Variants in SMIM36 observed in about 807,000 individuals in gnomAD.
SMIM36 encodes the protein small integral membrane protein 36.
At chr17:55,486,068 CT>C (rs1909602908) in intron 1 of SMIM36, among the ~76,000 whole-genome samples, 2 of 138,074 alleles carry the variant, frequency 1.4e-5, no homozygotes, top group Non-Finnish European at 3.0e-5. Flanking sequence ...CGGAGTCTTG[CT>C]CTGTTGCGCA....
intron 1 of SMIM36, among the ~76,000 whole-genome samples, chr17:55,501,438 T>C: frequency 2.8e-5 from 2 of 71,140 alleles, no homozygotes; most frequent in South Asian, 4.5e-4. Flanking sequence ...TTATTATATA[T>C]TATAAAATAT....
intron 1 of SMIM36, among the ~76,000 whole-genome samples, chr17:55,497,804 C>T (rs1909835179): frequency 6.6e-6 from 1 of 152,188 alleles, no homozygotes; most frequent in African/African-American, 2.4e-5. Context: ...CTTCAAGTTT[C>T]TCCCCCAGAC....
At chr17:55,514,292 C>T (rs1341029910), upstream of SMIM36, among the ~76,000 whole-genome samples, 1 of 152,140 alleles carries the variant, frequency 6.6e-6, no homozygotes, top group Non-Finnish European at 1.5e-5. Context: ...AAAACAATAA[C>T]AAGCTGCATT....
At chr17:55,525,899 C>T in the SMIM36 span, among the ~76,000 whole-genome samples, 8 of 152,104 alleles carry the variant, frequency 5.3e-5, no homozygotes, top group African/African-American at 1.9e-4. Context: ...CTCAAGCGAT[C>T]CGCCTGCCTC....
intron 4 of SMIM36, among the ~76,000 whole-genome samples, chr17:55,451,971 T>A (rs1427436855): frequency 6.6e-6 from 1 of 150,714 alleles, no homozygotes; most frequent in Non-Finnish European, 1.5e-5. Context: ...ACAGGCAAGG[T>A]GGTGGGTGCC....
chr17:55,477,226 C>G (rs192623784), intron 3 of SMIM36: 2 of 152,316 alleles, frequency 1.3e-5, no homozygotes, highest in African/African-American at 2.4e-5. Flanking sequence ...CTTCAAACAA[C>G]AGAAATGTAT....
intron 1 of SMIM36, among the ~76,000 whole-genome samples, chr17:55,497,413 C>T (rs936272053): frequency 9.2e-5 from 14 of 152,140 alleles, no homozygotes; most frequent in Admixed American, 2.6e-4. Context: ...TACAGGCAAG[C>T]GCCACCACGC....
chr17:55,499,778 GT>G (rs1451008383), intron 1 of SMIM36, among the ~76,000 whole-genome samples: 1 of 152,102 alleles, frequency 6.6e-6, no homozygotes, highest in African/African-American at 2.4e-5. Context: ...AAACCTCTTG[GT>G]TCTAGCTGGC....
chr17:55,482,844 T>G (rs577664043), intron 1 of SMIM36, among the ~76,000 whole-genome samples: 1 of 152,242 alleles, frequency 6.6e-6, no homozygotes, highest in Non-Finnish European at 1.5e-5. Flanking sequence ...TTCCCTTTTC[T>G]TAAAATGTGA....
chr17:55,479,323 G>C (rs983479265), intron 2 of SMIM36, 137 bp downstream of exon 2: 3 of 152,206 alleles, frequency 2.0e-5, no homozygotes, highest in African/African-American at 7.2e-5. Context: ...GGTGGCTCAC[G>C]CCTATCATCC....
intron 4 of SMIM36, among the ~76,000 whole-genome samples, chr17:55,451,377 C>G (rs1908913634): frequency 6.6e-6 from 1 of 152,206 alleles, no homozygotes; most frequent in African/African-American, 2.4e-5. Flanking sequence ...TCTTTCTTGT[C>G]TTTGTGTCTT....
At chr17:55,451,075 T>C (rs1002014563) in intron 4 of SMIM36, among the ~76,000 whole-genome samples, 2 of 152,110 alleles carry the variant, frequency 1.3e-5, no homozygotes, top group African/African-American at 2.4e-5. Flanking sequence ...TTAGTAGATA[T>C]GGGGTTTCAC....
At position 55,465,671 on chromosome 17, in the gene SMIM36, G is replaced by C. The variant is rs139952949; in HGVS notation, c.*531+1474C>G. On this transcript the variant is annotated intron_variant, in intron 4 of 4. Transcript: ENST00000636752. ...AAATGGAATTAAGTTCTTTCATCAGGTGGTGATTTCCAGACCACAGTGAAT... is the reference window on the plus strand; with the variant it reads ...AAATGGAATTAAGTTCTTTCATCAGCTGGTGATTTCCAGACCACAGTGAAT... Among the ~76,000 whole-genome samples the C allele has an allele frequency of 5.3e-5, 8 of 152,164 alleles. No homozygotes were observed. The East Asian group carries it at 1.4e-3, about 26-fold the overall frequency.
chr17:55,455,996 T>C (rs537161315), intron 4 of SMIM36, among the ~76,000 whole-genome samples: 65 of 150,824 alleles, frequency 4.3e-4, no homozygotes, highest in Non-Finnish European at 6.6e-4. Flanking sequence ...GACGCACCTG[T>C]AATCCCAGCT....
rs142232449 is a variant in SMIM36 at position 55,467,870 on chromosome 17, T to C, written c.*348-542A>G. Among the ~76,000 whole-genome samples, 356 of 152,258 alleles carry C rather than the reference T, an allele frequency of 2.3e-3. 3 individuals carry two copies. In the Middle Eastern group the frequency reaches 0.058, roughly 25 times the overall value. On this transcript the variant is annotated intron_variant, in intron 3 of 4. Coordinates refer to ENST00000636752, the Ensembl canonical transcript of SMIM36. ...GAAAATAGGCAGTTCCTGCCTTAAC[T>C]GATGACATTCCACTGTTGTGATTTG...
At chr17:55,526,833 T>TCCCC in the SMIM36 span, 1 of 152,108 alleles carries the variant, frequency 6.6e-6, no homozygotes, top group Non-Finnish European at 1.5e-5. Context: ...CTTCCCCACT[T>TCCCC]CAAGGAACTG....
At chr17:55,457,562 C>T (rs905858077) in intron 4 of SMIM36, among the ~76,000 whole-genome samples, 22 of 150,988 alleles carry the variant, frequency 1.5e-4, no homozygotes, top group African/African-American at 5.1e-4. Context: ...ATTTTGCTCT[C>T]GTTGTCCAGA....
At chr17:55,484,610 A>C (rs1909574529) in intron 1 of SMIM36, among the ~76,000 whole-genome samples, 1 of 152,238 alleles carries the variant, frequency 6.6e-6, no homozygotes, top group Non-Finnish European at 1.5e-5. Flanking sequence ...AAAAAAGATG[A>C]GGCTGCATCA....
At chr17:55,472,594 C>T (rs112064797) in intron 3 of SMIM36, among the ~76,000 whole-genome samples, 5 of 152,182 alleles carry the variant, frequency 3.3e-5, no homozygotes, top group Admixed American at 6.5e-5. Context: ...CTATGCTGGC[C>T]GGGCTTGGTG....
Sources: gnomAD v4.1 joint callset for allele counts (sites outside exome capture counted in the v4.1 genomes callset) on GRCh38, gnomAD v4.1.1 for gene constraint, MANE v1.5 for transcripts, NCBI Gene and HGNC (gene_info 2026-07-23, HGNC 2026-07-21) for gene names.